HDAC9: variants seen among roughly 807,000 people sequenced by gnomAD.
The protein encoded by HDAC9 is histone deacetylase 9, also known as MEF-2 interacting transcription repressor (MITR) protein.
Under a neutral mutation model 139.4 loss-of-function variants are expected in HDAC9, and 41 were observed. The observed-to-expected ratio is 0.29, with a 90% CI of 0.23 to 0.38. HDAC9 has a LOEUF of 0.38. HDAC9 is among the 10% of genes least tolerant of loss of function. The probability of loss-of-function intolerance (pLI) is 1.00; values close to 1 mark genes in which losing one functional copy is unlikely to be tolerated. For synonymous variants in HDAC9, 517 were observed against 476.2 expected, an observed-to-expected ratio of 1.09 and a Z score of -1.12; for missense variants, 1,147 against 1,297.0, an observed-to-expected ratio of 0.88 and a Z score of 1.78.
chr7:18,100,500 C>T (rs1001194603), intron 1 of HDAC9, among the ~76,000 whole-genome samples: 6 of 151,936 alleles, frequency 3.9e-5, no homozygotes, highest in Non-Finnish European at 8.8e-5. Flanking sequence ...CCATATGTTA[C>T]ATTTTGAGTA....
intron 2 of HDAC9, among the ~76,000 whole-genome samples, chr7:18,264,401 C>G (rs149966952): frequency 1.2e-4 from 19 of 152,036 alleles, no homozygotes; most frequent in African/African-American, 4.6e-4. Context: ...GGGAATTAAA[C>G]AATATACTCC....
At chr7:18,300,613 T>C (rs1798476492) in intron 1 of HDAC9, among the ~76,000 whole-genome samples, 1 of 152,174 alleles carries the variant, frequency 6.6e-6, no homozygotes, top group Admixed American at 6.5e-5. Flanking sequence ...ACAGATTGAC[T>C]TAGTTTTTCA....
intron 21 of HDAC9, among the ~76,000 whole-genome samples, chr7:18,837,470 A>G (rs1317938201): frequency 6.6e-6 from 1 of 152,118 alleles, no homozygotes; most frequent in Non-Finnish European, 1.5e-5. Flanking sequence ...ATTATATCAC[A>G]TATGAATTTA....
intron 1 of HDAC9, chr7:18,395,139 G>A (rs1786899583): frequency 6.6e-6 from 1 of 152,094 alleles, no homozygotes; most frequent in Non-Finnish European, 1.5e-5. Context: ...ATGCTGTGGT[G>A]TATGGAGACA....
upstream of HDAC9, among the ~76,000 whole-genome samples, chr7:18,286,818 A>G (rs1276601916): frequency 6.6e-6 from 1 of 152,144 alleles, no homozygotes; most frequent in Non-Finnish European, 1.5e-5. Context: ...TGCTCATAGG[A>G]AAGTTTATTT....
chr7:18,444,703 C>T (rs541209178), intron 1 of HDAC9, among the ~76,000 whole-genome samples: 2 of 151,904 alleles, frequency 1.3e-5, no homozygotes, highest in African/African-American at 2.4e-5. Flanking sequence ...GCATGAATAC[C>T]GAAATAAAAA....
chr7:18,744,628 C>G (rs1415277702), intron 13 of HDAC9, among the ~76,000 whole-genome samples: 5 of 152,022 alleles, frequency 3.3e-5, no homozygotes, highest in African/African-American at 1.2e-4. Flanking sequence ...TCTATAAAGA[C>G]TCTATAGACT....
intron 2 of HDAC9, among the ~76,000 whole-genome samples, chr7:18,247,040 G>A (rs993470382): frequency 7.9e-5 from 12 of 152,016 alleles, no homozygotes; most frequent in African/African-American, 2.7e-4. Context: ...ACTGAGACAG[G>A]GAAGCTATGG....
intron 17 of HDAC9, among the ~76,000 whole-genome samples, chr7:18,811,022 A>G (rs994736944): frequency 1.3e-5 from 2 of 151,860 alleles, no homozygotes; most frequent in Non-Finnish European, 3.0e-5. Context: ...TTACAGCTTA[A>G]CTGTATGTGT....
chr7:18,917,387 G>A (rs1803300427), intron 22 of HDAC9, among the ~76,000 whole-genome samples: 1 of 151,880 alleles, frequency 6.6e-6, no homozygotes, highest in Admixed American at 6.6e-5. Context: ...CAAGAATTAG[G>A]ATGTTGAACT....
At chr7:18,980,579 T>C (rs1784839461) in intron 25 of HDAC9, among the ~76,000 whole-genome samples, 1 of 152,182 alleles carries the variant, frequency 6.6e-6, no homozygotes, top group African/African-American at 2.4e-5. Context: ...ATGTAGTAAA[T>C]ACTTGATAAA....
chr7:18,168,918 TG>T (rs1788209378), intron 2 of HDAC9, among the ~76,000 whole-genome samples: 2 of 134,640 alleles, frequency 1.5e-5, no homozygotes, highest in South Asian at 5.2e-4. Context: ...TGTGTGTGTG[TG>T]TGTGTGTGCG....
At chr7:18,584,140 C>CTTTTTT (rs3084518) in intron 2 of HDAC9, among the ~76,000 whole-genome samples, 13,443 of 107,254 alleles carry the variant, frequency 0.13, 1,449 homozygotes, top group Admixed American at 0.15. Context: ...AAGCAGCATT[C>CTTTTTT]TTTTTTTTTT....
At chr7:18,216,519 C>A (rs1562758470) in intron 2 of HDAC9, among the ~76,000 whole-genome samples, 1 of 151,990 alleles carries the variant, frequency 6.6e-6, no homozygotes, top group East Asian at 1.9e-4. Flanking sequence ...GATAGGGAAT[C>A]TTTATTATAT....
intron 2 of HDAC9, among the ~76,000 whole-genome samples, chr7:18,521,037 T>C (rs1249847896): frequency 6.6e-6 from 1 of 152,212 alleles, no homozygotes; most frequent in African/African-American, 2.4e-5. Flanking sequence ...AATAGAGGTT[T>C]GAAATTGGAT....
intron 21 of HDAC9, among the ~76,000 whole-genome samples, chr7:18,838,947 C>T (rs1447920266): frequency 6.6e-6 from 1 of 151,878 alleles, no homozygotes; most frequent in Non-Finnish European, 1.5e-5. Flanking sequence ...GCAAAAAAAT[C>T]ATAGACAAAC....
At chr7:18,553,519 T>C (rs1220571250) in intron 2 of HDAC9, among the ~76,000 whole-genome samples, 2 of 152,192 alleles carry the variant, frequency 1.3e-5, no homozygotes, top group African/African-American at 4.8e-5. Context: ...AAACAGTACT[T>C]GTGTGAACTT....
At chr7:18,636,235 G>T (rs886952451) in intron 8 of HDAC9, among the ~76,000 whole-genome samples, 26 of 152,066 alleles carry the variant, frequency 1.7e-4, no homozygotes, top group African/African-American at 6.0e-4. Context: ...CCAGAGGCCT[G>T]TATCTATGTT....
intron 15 of HDAC9, 61 bp downstream of exon 15, chr7:18,762,338 C>T (rs553562933): frequency 6.3e-7 from 1 of 1,580,210 alleles, no homozygotes; most frequent in East Asian, 2.3e-5. Flanking sequence ...TTAGTCAACG[C>T]TGGTGTCAGT....
Sources: gnomAD v4.1 joint callset for allele counts (sites outside exome capture counted in the v4.1 genomes callset) on GRCh38, gnomAD v4.1.1 for gene constraint, MANE v1.5 for transcripts, NCBI Gene and HGNC (gene_info 2026-07-23, HGNC 2026-07-21) for gene names.